AGXT2: variants seen among roughly 807,000 people sequenced by gnomAD.
AGXT2 encodes the protein alanine--glyoxylate aminotransferase 2, mitochondrial.
AGXT2 carries 61 observed loss-of-function variants against 62.5 expected under a neutral mutation model. That is an observed-to-expected ratio of 0.98 (90% confidence interval 0.79 to 1.21). The LOEUF (loss-of-function observed/expected upper bound fraction) is 1.21. Among genes scored for constraint, AGXT2 ranks in the 50% most tolerant of loss-of-function variants. AGXT2 has a pLI of 0.00. For synonymous variants in AGXT2, 243 were observed against 218.7 expected, an observed-to-expected ratio of 1.11 and a Z score of -0.98; for missense variants, 666 against 641.5, an observed-to-expected ratio of 1.04 and a Z score of -0.41.
At chr5:35,021,385 A>G (rs1767075428) in intron 9 of AGXT2, among the ~76,000 whole-genome samples, 1 of 151,184 alleles carries the variant, frequency 6.6e-6, no homozygotes, top group African/African-American at 2.4e-5. Flanking sequence ...ATATAGATCA[A>G]TGGAACAGAA....
At chr5:35,019,300 C>A (rs1421549801) in intron 9 of AGXT2, among the ~76,000 whole-genome samples, 1 of 149,422 alleles carries the variant, frequency 6.7e-6, no homozygotes, top group Non-Finnish European at 1.5e-5. Flanking sequence ...CACACCTATT[C>A]AAAAATTGAC....
intron 10 of AGXT2, 64 bp downstream of exon 10, chr5:35,013,923 C>T (rs1407241846): frequency 1.9e-5 from 31 of 1,608,694 alleles, no homozygotes; most frequent in East Asian, 4.5e-5. Context: ...TTCCAACACA[C>T]GTGTTATACC....
chr5:35,006,437 G>A (rs1249168253), intron 12 of AGXT2, among the ~76,000 whole-genome samples: 1 of 152,194 alleles, frequency 6.6e-6, no homozygotes, highest in Non-Finnish European at 1.5e-5. Flanking sequence ...AGGGGCTCAG[G>A]AACCTTACAA....
chr5:35,002,698 C>G (rs1267376004), intron 13 of AGXT2, among the ~76,000 whole-genome samples: 1 of 152,148 alleles, frequency 6.6e-6, no homozygotes, highest in African/African-American at 2.4e-5. Context: ...TCTTGGACTT[C>G]TCTGCCTCCA....
chr5:35,008,619 G>A (rs1580572649), intron 12 of AGXT2, among the ~76,000 whole-genome samples: 1 of 152,082 alleles, frequency 6.6e-6, no homozygotes, highest in African/African-American at 2.4e-5. Context: ...TTATGAGCTG[G>A]GGACCTTAGT....
intron 1 of AGXT2, among the ~76,000 whole-genome samples, chr5:35,046,964 A>G (rs900083435): frequency 1.3e-5 from 2 of 152,168 alleles, no homozygotes; most frequent in Admixed American, 6.5e-5. Context: ...GTTACCCCAC[A>G]TCTCCTCATA....
chr5:35,027,938 G>T (rs1053276055), intron 7 of AGXT2, among the ~76,000 whole-genome samples: 1 of 151,270 alleles, frequency 6.6e-6, no homozygotes, highest in African/African-American at 2.4e-5. Flanking sequence ...GGCCTGTGAG[G>T]GGTAATATGT....
At chr5:35,027,768 T>C (rs1767414041) in intron 7 of AGXT2, among the ~76,000 whole-genome samples, 1 of 150,968 alleles carries the variant, frequency 6.6e-6, no homozygotes, top group East Asian at 1.9e-4. Flanking sequence ...TCCAAGTGCG[T>C]AGGGCATTAG....
At chr5:35,039,622 T>C (rs1767907196) in intron 2 of AGXT2, 114 bp from the exon 3 acceptor site, 7 of 1,143,564 alleles carry the variant, frequency 6.1e-6, no homozygotes, top group Non-Finnish European at 9.0e-6. Flanking sequence ...TGCTGGCCTG[T>C]AGAGGCTCAG....
intron 9 of AGXT2, among the ~76,000 whole-genome samples, chr5:35,016,163 C>T (rs1468060306): frequency 6.6e-6 from 1 of 152,186 alleles, no homozygotes; most frequent in Non-Finnish European, 1.5e-5. Flanking sequence ...CTTTCTTTTT[C>T]ACTCCATCTA....
intron 3 of AGXT2, 60 bp downstream of exon 3, chr5:35,039,264 C>T: frequency 1.3e-6 from 2 of 1,561,744 alleles, no homozygotes; most frequent in Non-Finnish European, 8.8e-7. Flanking sequence ...GAGTCACTAA[C>T]ATAATTGTTT....
At chr5:35,020,842 A>T (rs1767046187) in intron 9 of AGXT2, among the ~76,000 whole-genome samples, 1 of 152,174 alleles carries the variant, frequency 6.6e-6, no homozygotes, top group South Asian at 2.1e-4. Flanking sequence ...TCAGCCCAAA[A>T]TCTCCTTAAG....
At chr5:35,019,996 A>C (rs1218648575) in intron 9 of AGXT2, among the ~76,000 whole-genome samples, 3 of 152,254 alleles carry the variant, frequency 2.0e-5, no homozygotes, top group Admixed American at 2.0e-4. Flanking sequence ...ATTCCTCAAC[A>C]CATACACTCT....
Position 35,023,684 on chromosome 5 carries a change from G to T in AGXT2, c.963+2079C>A, listed in dbSNP as rs576082459. Among the ~76,000 whole-genome samples the T allele has an allele frequency of 5.9e-5, 9 of 152,192 alleles. No individual in the cohort carries two copies. The South Asian group carries it at 1.9e-3, about 32-fold the overall frequency. ...ATTAACTTTCTCCAGCCTGGACTTC[G>T]ATCAGTTTGTGGGCAGATTGGAGAA... is the stretch of plus-strand genomic sequence containing the variant. On this transcript the variant is annotated intron_variant, in intron 9 of 13. Transcript: ENST00000231420.
chr5:35,003,413 G>A (rs2112165445), intron 13 of AGXT2, among the ~76,000 whole-genome samples: 1 of 152,254 alleles, frequency 6.6e-6, no homozygotes, highest in East Asian at 1.9e-4. Flanking sequence ...TAATTATACA[G>A]GAGATAGATT....
intron 2 of AGXT2, among the ~76,000 whole-genome samples, chr5:35,039,892 C>A (rs1767918674): frequency 6.6e-6 from 1 of 152,172 alleles, no homozygotes; most frequent in Non-Finnish European, 1.5e-5. Context: ...AATTAAAATA[C>A]AATGAAGTGC....
chr5:35,024,599 A>T (rs1469652968), intron 9 of AGXT2, among the ~76,000 whole-genome samples: 1 of 152,116 alleles, frequency 6.6e-6, no homozygotes, highest in East Asian at 1.9e-4. Context: ...ATTTTTGGGG[A>T]ACTATTTTCA....
chr5:35,045,759 T>TTTTTC (rs1277136770), intron 1 of AGXT2, among the ~76,000 whole-genome samples: 4 of 60,342 alleles, frequency 6.6e-5, no homozygotes, highest in African/African-American at 2.0e-4. Flanking sequence ...TTCTTTTTCT[T>TTTTTC]TTTTCTTTTT....
chr5:35,043,802 T>C (rs1768081883), intron 1 of AGXT2, among the ~76,000 whole-genome samples: 1 of 152,206 alleles, frequency 6.6e-6, no homozygotes, highest in Non-Finnish European at 1.5e-5. Flanking sequence ...GCGATCCTTC[T>C]ATCTCAGCCT....
Sources: allele counts gnomAD v4.1 joint callset (sites outside exome capture counted in the v4.1 genomes callset), GRCh38; gene constraint gnomAD v4.1.1; transcripts MANE v1.5; gene names NCBI Gene and HGNC (gene_info 2026-07-23, HGNC 2026-07-21).